The following KIAA1958 variants were observed in gnomAD, a reference collection of about 807,000 sequenced individuals.
KIAA1958 encodes the protein uncharacterized protein KIAA1958.
KIAA1958 carries 14 observed loss-of-function variants against 47.2 expected under a neutral mutation model. The observed-to-expected ratio is 0.30, with a 90% CI of 0.20 to 0.46. The LOEUF (loss-of-function observed/expected upper bound fraction) is 0.46, where lower values mean the gene tolerates loss of function less well. Among genes scored for constraint, KIAA1958 ranks in the 20% least tolerant of loss-of-function variants. The pLI is 1.00. For missense variants in KIAA1958, 803 were observed against 909.2 expected (o/e 0.88, Z 1.50); for synonymous variants, 354 against 353.3 (o/e 1.00, Z -0.02).
At position 112,487,081 on chromosome 9, in the gene KIAA1958, G is replaced by C. The variant is rs1373128717; in HGVS notation, c.-62G>C. ...CGGCTCTCGCAGGCCCCCCCGCGCC[G>C]ACCGCGTTCCTATGGACAGACGCAC... On this transcript the variant is annotated 5_prime_UTR_variant, in exon 1 of 4. Transcript: ENST00000337530. 1 of 225,668 alleles carries C rather than the reference G, an allele frequency of 4.4e-6. No individual in the cohort carries two copies. The highest frequency in any genetic ancestry group is 2.4e-5 in the African/African-American group (1 of 42,240). 14.0% of individuals were successfully genotyped at this position (225,668 alleles called of 1,614,324 possible). A position where few individuals can be genotyped will look rare whatever the true frequency, so the allele number is the denominator to read the frequency against.
chr9:112,552,216 C>T (rs1348507542), intron 1 of KIAA1958, among the ~76,000 whole-genome samples: 1 of 152,220 alleles, frequency 6.6e-6, no homozygotes, highest in Non-Finnish European at 1.5e-5. Flanking sequence ...ATTTAGTTCA[C>T]TTACATGTCC....
intron 1 of KIAA1958, among the ~76,000 whole-genome samples, chr9:112,536,419 T>C (rs555390599): frequency 1.6e-4 from 24 of 152,304 alleles, no homozygotes; most frequent in African/African-American, 5.1e-4. Flanking sequence ...TTTTAGACTT[T>C]GCAGGCTACG....
chr9:112,598,510 A>G (rs1191807903), intron 2 of KIAA1958, among the ~76,000 whole-genome samples: 1 of 152,240 alleles, frequency 6.6e-6, no homozygotes, highest in African/African-American at 2.4e-5. Flanking sequence ...AAGAGTGAGC[A>G]TAGGGAATTC....
chr9:112,568,936 TAAAAAAAAAAAAAAAAA>T (rs57898820), intron 1 of KIAA1958, among the ~76,000 whole-genome samples: 3 of 36,454 alleles, frequency 8.2e-5, no homozygotes, highest in African/African-American at 1.1e-4. Context: ...ATAGGAAAAC[TAAAAAAAAAAAAAAAAA>T]AAAAAAAAAA....
chr9:112,596,259 T>A (rs1049844835), intron 2 of KIAA1958, among the ~76,000 whole-genome samples: 1 of 152,234 alleles, frequency 6.6e-6, no homozygotes. Context: ...ATACTGTTTC[T>A]ATGAATCTGA....
chr9:112,490,024 C>T (rs577066352), intron 1 of KIAA1958, among the ~76,000 whole-genome samples: 7 of 152,264 alleles, frequency 4.6e-5, no homozygotes, highest in African/African-American at 1.7e-4. Context: ...GGTGGGGAAG[C>T]AGGTCCGGCT....
chr9:112,645,181 A>G (rs995700635), intron 2 of KIAA1958, among the ~76,000 whole-genome samples: 7 of 151,834 alleles, frequency 4.6e-5, no homozygotes, highest in African/African-American at 1.7e-4. Context: ...AAGGCTGCCC[A>G]TGATGGCACA....
rs773069807 is a variant in KIAA1958 at position 112,659,357 on chromosome 9, C to G, written c.1439C>G (p.Ala480Gly). The change falls in exon 4 of 4, where the codon GCT (alanine) becomes GGT (glycine). Residue 480 changes from alanine to glycine, a missense_variant. Around this residue, in one of 2 missense-constraint regions of KIAA1958, gnomAD observed 761 missense variants for 829.3 expected, o/e 0.92. Transcript: ENST00000337530. ...GSDFLATSLH[A>G]IRRGLDRILK... ...GACTTCCTGGCCACCTCGCTCCATG[C>G]TATTCGCCGAGGCCTGGACCGCATC... 30 of 1,614,018 alleles carry G rather than the reference C, an allele frequency of 1.9e-5. No individual in the cohort carries two copies. Among genetic ancestry groups the G allele is most frequent in the Non-Finnish European group, 2.0e-5 (24 of 1,180,036 alleles).
intron 1 of KIAA1958, among the ~76,000 whole-genome samples, chr9:112,515,745 TGCGGAAG>T (rs1371427422): frequency 2.1e-5 from 2 of 94,146 alleles, no homozygotes; most frequent in Non-Finnish European, 4.2e-5. Context: ...ACACAAACAC[TGCGGAAG>T]GCCGCAGGGT....
At chr9:112,564,559 C>T (rs570341795) in intron 1 of KIAA1958, among the ~76,000 whole-genome samples, 1 of 151,964 alleles carries the variant, frequency 6.6e-6, no homozygotes, top group Non-Finnish European at 1.5e-5. Context: ...CCTTTCATAC[C>T]TTTTTTTTCT....
chr9:112,521,879 T>C (rs3903413), intron 1 of KIAA1958, among the ~76,000 whole-genome samples: 145,267 of 152,200 alleles, frequency 0.95, 69,396 homozygotes, highest in African/African-American at 0.99. Flanking sequence ...TGTGCCCTTA[T>C]ATGCCCTTAA....
intron 2 of KIAA1958, among the ~76,000 whole-genome samples, chr9:112,620,120 T>A (rs148340508): frequency 6.6e-6 from 1 of 152,244 alleles, no homozygotes; most frequent in South Asian, 2.1e-4. Context: ...ATAATAATTT[T>A]GGTTAAACAT....
At chr9:112,650,575 A>G (rs1200857557) in intron 3 of KIAA1958, among the ~76,000 whole-genome samples, 1 of 152,094 alleles carries the variant, frequency 6.6e-6, no homozygotes, top group Non-Finnish European at 1.5e-5. Flanking sequence ...TAGAGTGGAT[A>G]ATCCTAATGT....
intron 2 of KIAA1958, among the ~76,000 whole-genome samples, chr9:112,630,392 T>G (rs1588046914): frequency 1.3e-5 from 2 of 152,184 alleles, no homozygotes; most frequent in African/African-American, 4.8e-5. Context: ...TGCCTGTAAT[T>G]CCAGCACTTT....
chr9:112,552,120 C>G (rs1746588125), intron 1 of KIAA1958, among the ~76,000 whole-genome samples: 1 of 152,140 alleles, frequency 6.6e-6, no homozygotes, highest in African/African-American at 2.4e-5. Flanking sequence ...ATTATAGGGT[C>G]ATAGTTAATG....
chr9:112,598,987 C>G (rs534402597), intron 2 of KIAA1958, among the ~76,000 whole-genome samples: 1 of 152,018 alleles, frequency 6.6e-6, no homozygotes, highest in African/African-American at 2.4e-5. Context: ...AAGACTGAGA[C>G]AGGAGGATCG....
rs1588059837 is a variant in KIAA1958 at position 112,665,123 on chromosome 9, A to G, written c.*5054A>G. 1.3e-5 allele frequency: 2 copies of G among 152,170 alleles called. No homozygotes were observed. Among genetic ancestry groups the G allele is most frequent in the Admixed American group, 1.3e-4 (2 of 15,266 alleles). The allele number at this position is 152,170 out of a possible 1,614,324, so 9.4% of individuals were successfully genotyped here. On this transcript the variant is annotated 3_prime_UTR_variant, in exon 4 of 4. Transcript: ENST00000337530. ...AAAAAAATCACTGGATAATATGTAG[A>G]TATATTTTAGTTCCATTACTATTAA...
intron 1 of KIAA1958, among the ~76,000 whole-genome samples, chr9:112,508,687 G>T (rs184838533): frequency 2.2e-3 from 330 of 152,314 alleles, no homozygotes; most frequent in African/African-American, 7.6e-3. Flanking sequence ...TAGCTAGGAG[G>T]TGAAACAACA....
chr9:112,535,655 T>C (rs1834842111), intron 1 of KIAA1958, among the ~76,000 whole-genome samples: 1 of 152,196 alleles, frequency 6.6e-6, no homozygotes, highest in Non-Finnish European at 1.5e-5. Flanking sequence ...TTCATACTCT[T>C]TTCCATAATG....
Sources: gnomAD v4.1 joint callset for allele counts (sites outside exome capture counted in the v4.1 genomes callset) on GRCh38, gnomAD v4.1.1 for gene constraint, gnomAD v4.1.1 regional missense constraint, MANE v1.5 for transcripts, NCBI Gene and HGNC (gene_info 2026-07-23, HGNC 2026-07-21) for gene names.